ZNF484: variants seen among roughly 807,000 people sequenced by gnomAD.
ZNF484 encodes KRAB box containing C2H2 type zinc finger bA526D8.4.
A neutral mutation model predicts 12.9 loss-of-function variants in ZNF484; 11 were observed. That is an observed-to-expected ratio of 0.85 (90% CI 0.54 to 1.41). The LOEUF is 1.41. ZNF484 is among the 40% of genes most tolerant of loss of function. ZNF484 has a pLI of 0.00. For synonymous variants in ZNF484, 289 were observed against 334.1 expected (o/e 0.86, Z 1.47); for missense variants, 807 against 1,007.7 (o/e 0.80, Z 2.70).
At chr9:92,867,876 G>A (rs1857201405) in intron 2 of ZNF484, among the ~76,000 whole-genome samples, 1 of 152,168 alleles carries the variant, frequency 6.6e-6, no homozygotes, top group African/African-American at 2.4e-5. Context: ...TATTGAAACT[G>A]AGGGTGGTCT....
chr9:92,851,011 A>G (rs1395116197), intron 4 of ZNF484, among the ~76,000 whole-genome samples: 1 of 152,232 alleles, frequency 6.6e-6, no homozygotes, highest in East Asian at 1.9e-4. Context: ...TTGTTCATCA[A>G]ACCTGTGCCC....
chr9:92,875,705 A>C (rs765337993), intron 1 of ZNF484, among the ~76,000 whole-genome samples: 6 of 152,222 alleles, frequency 3.9e-5, no homozygotes, highest in East Asian at 1.9e-4. Flanking sequence ...CTGTTTCTGC[A>C]CTGGGGCCTT....
chr9:92,877,700 C>T, intron 1 of ZNF484, 190 bp downstream of exon 1: 2 of 1,360,550 alleles, frequency 1.5e-6, no homozygotes. Flanking sequence ...TCCGTCCTCA[C>T]TCCGCCTGCA....
rs563229629 is a variant in ZNF484, at chr9:92,865,266, C to A, written c.16-8948G>T. 1.9e-4 allele frequency among the ~76,000 whole-genome samples: 29 copies of A among 151,930 alleles called. No individual in the cohort carries two copies. The South Asian group carries it at 6.0e-3, about 32-fold the overall frequency. The stretch of plus-strand genomic sequence containing the variant: ...ACCAGCCTGGGCAACATAGTGAGAA[C>A]TTGTCTCTATAAAAAATCAAAACAA... On this transcript the variant is annotated intron_variant, in intron 2 of 4. Transcript: ENST00000375495.
chr9:92,848,316 G>A lies in ZNF484; in HGVS notation c.471C>T (p.Asp157=). ...TGTTTACATGAACTATTTCCCCAAT[G>A]TCCTTATATTCAAAGATGCTGTCAT... The part of the protein sequence containing the change: ...LANDSIFEYK[D]IGEIVHVNTH... The change falls in exon 5 of 5, where the codon GAC becomes GAT. Residue 157 remains aspartate (D), a synonymous_variant. Transcript: ENST00000375495. This position sits in a 1 kb window ranked among gnomAD's most constrained non-coding sequence, Gnocchi z 4.1. 6.2e-7 allele frequency: 1 copy of A among 1,614,068 alleles called. No individual in the cohort carries two copies. The highest frequency in any genetic ancestry group is 8.5e-7 in the Non-Finnish European group (1 of 1,180,008).
At chr9:92,856,553 C>A (rs189163245) in intron 2 of ZNF484, among the ~76,000 whole-genome samples, 1 of 152,178 alleles carries the variant, frequency 6.6e-6, no homozygotes, top group Admixed American at 6.5e-5. Flanking sequence ...GGAAGATATA[C>A]AAATATTTAA....
At chr9:92,871,698 C>G (rs926490976) in intron 2 of ZNF484, among the ~76,000 whole-genome samples, 2 of 152,198 alleles carry the variant, frequency 1.3e-5, no homozygotes, top group Non-Finnish European at 2.9e-5. Context: ...AGAAACTACA[C>G]ATTACCCACA....
chr9:92,848,025 A>T lies in ZNF484; in HGVS notation c.762T>A (p.Ser254=), dbSNP rs1249851709. The change falls in exon 5 of 5, where the codon TCT becomes TCA. Residue 254 remains serine (S), a synonymous_variant. Transcript: ENST00000375495. The surrounding 1 kb of genome is among the most constrained non-coding windows in gnomAD (Gnocchi z 4.1). ...TCGGGGAGAAAACATTTACGTAGTCAGAAAACAAATAGAGGCTCTCTCTAG... is the reference window on the plus strand; with the variant it reads ...TCGGGGAGAAAACATTTACGTAGTCTGAAAACAAATAGAGGCTCTCTCTAG... ...IHTRESLYLF[S]DYVNVFSPKS... is the part of the protein sequence containing the mutation. 1.2e-5 allele frequency: 19 copies of T among 1,614,136 alleles called. No individual in the cohort carries two copies. Among genetic ancestry groups the T allele is most frequent in the Non-Finnish European group, 1.6e-5 (19 of 1,180,058 alleles).
chr9:92,855,040 A>G (rs532348260), intron 4 of ZNF484, among the ~76,000 whole-genome samples: 3 of 152,224 alleles, frequency 2.0e-5, no homozygotes, highest in Non-Finnish European at 4.4e-5. Context: ...TTGGAAGGAT[A>G]AAAATGAGTA....
chr9:92,859,511 C>CA (rs2118000247), intron 2 of ZNF484, among the ~76,000 whole-genome samples: 1 of 152,224 alleles, frequency 6.6e-6, no homozygotes, highest in South Asian at 2.1e-4. Flanking sequence ...TGAGCACAGA[C>CA]AAAAAAGGCC....
chr9:92,846,420 T>C lies in ZNF484; in HGVS notation c.2367A>G (p.Ser789=), dbSNP rs1855597657. The change falls in exon 5 of 5, where the codon TCA becomes TCG. Residue 789 remains serine (S), a synonymous_variant. Transcript: ENST00000375495. ...GAATTTTCTGGTGTTTAATAAGATT[T>C]GATCTGATGGTGAAGGCCTTTCCAC... ...AECGKAFTIR[S]NLIKHQKIHT... is the part of the protein sequence containing the mutation. 2 of 1,614,068 alleles carry C rather than the reference T, an allele frequency of 1.2e-6. No individual in the cohort carries two copies. Among genetic ancestry groups the C allele is most frequent in the Admixed American group, 1.7e-5 (1 of 60,010 alleles).
intron 1 of ZNF484, among the ~76,000 whole-genome samples, chr9:92,875,355 A>G (rs1457827008): frequency 1.3e-5 from 2 of 152,214 alleles, no homozygotes; most frequent in Admixed American, 6.5e-5. Flanking sequence ...TTATTATACT[A>G]TCTGATTTCA....
intron 2 of ZNF484, among the ~76,000 whole-genome samples, chr9:92,865,455 T>C (rs1348013018): frequency 6.6e-6 from 1 of 152,124 alleles, no homozygotes; most frequent in Non-Finnish European, 1.5e-5. Context: ...AAATCCAAAA[T>C]GAGATACCTC....
At chr9:92,856,371 A>C in intron 2 of ZNF484, 53 bp from the exon 3 acceptor site, 1 of 1,404,954 alleles carries the variant, frequency 7.1e-7, no homozygotes, top group Non-Finnish European at 9.4e-7. Context: ...AATATATTTG[A>C]ATTCAAAAAA....
chr9:92,860,036 A>C (rs1215376415), intron 2 of ZNF484, among the ~76,000 whole-genome samples: 1 of 152,180 alleles, frequency 6.6e-6, no homozygotes, highest in Non-Finnish European at 1.5e-5. Context: ...GATCATGTGG[A>C]CATGAATGAC....
chr9:92,864,220 C>T (rs563368864), intron 2 of ZNF484, among the ~76,000 whole-genome samples: 1 of 152,228 alleles, frequency 6.6e-6, no homozygotes, highest in African/African-American at 2.4e-5. Flanking sequence ...CCCAGCCCAC[C>T]TTAAATGTAA....
In ZNF484 at chr9:92,845,981, T is replaced by C; in HGVS notation, c.*247A>G. ...TGAATTTTTGCGGGTCAATATTGAATAGTTGTGGTACCCAGAACATGAAAA... is the reference window on the plus strand; with the variant it reads ...TGAATTTTTGCGGGTCAATATTGAACAGTTGTGGTACCCAGAACATGAAAA... On this transcript the variant is annotated 3_prime_UTR_variant, in exon 5 of 5. Coordinates refer to ENST00000375495, the MANE Select transcript of ZNF484 (RefSeq NM_031486.4). The surrounding 1 kb of genome is among the most constrained non-coding windows in gnomAD (Gnocchi z 4.0). 2.0e-6 allele frequency: 1 copy of C among 496,096 alleles called. No individual in the cohort carries two copies. Among genetic ancestry groups the C allele is most frequent in the South Asian group, 2.9e-5 (1 of 34,346 alleles). The allele number at this position is 496,096 out of a possible 1,614,324, so 30.7% of individuals were successfully genotyped here.
intron 4 of ZNF484, among the ~76,000 whole-genome samples, chr9:92,854,336 C>A (rs1339091472): frequency 6.6e-6 from 1 of 152,122 alleles, no homozygotes; most frequent in Non-Finnish European, 1.5e-5. Context: ...GTGACACAGC[C>A]AATCTGGAAA....
chr9:92,856,297 C>T lies in ZNF484; in HGVS notation c.37G>A (p.Val13Ile), dbSNP rs143365202. The change falls in exon 3 of 5, where the codon GTA (valine) becomes ATA (isoleucine). Residue 13 changes from valine (V) to isoleucine (I), a missense_variant. Val to Ile is a conservative substitution (Grantham distance 29). Transcript: ENST00000375495. ...KSLESVSFKD[V>I]TVDFSRDEWQ... ...TCATCCCTACTGAAGTCTACAGTTA[C>T]GTCCTTGAATGACACTGATTCCTGT... 2.3e-5 allele frequency: 37 copies of T among 1,600,142 alleles called. No homozygotes were observed. The highest frequency in any genetic ancestry group is 3.3e-4 in the Middle Eastern group (2 of 6,008).
Sources: allele counts gnomAD v4.1 joint callset (sites outside exome capture counted in the v4.1 genomes callset), GRCh38; gene constraint gnomAD v4.1.1; non-coding constraint Gnocchi (gnomAD v3.1); transcripts MANE v1.5; gene names NCBI Gene and HGNC (gene_info 2026-07-23, HGNC 2026-07-21).